The following CSMD1 variants were observed in gnomAD, a reference collection of about 807,000 sequenced individuals.
The protein encoded by CSMD1 is CUB and Sushi multiple domains 1.
CSMD1 carries 213 observed loss-of-function variants against 417.5 expected under a neutral mutation model. That is an observed-to-expected ratio of 0.51 (90% CI 0.46 to 0.57). The LOEUF (loss-of-function observed/expected upper bound fraction) is 0.57. Ranked by LOEUF, CSMD1 falls within the 20% of genes least tolerant of loss-of-function variation. CSMD1 has a pLI of 0.00. For synonymous variants in CSMD1, 2,862 were observed against 1,736.8 expected, an observed-to-expected ratio of 1.65 and a Z score of -16.11; for missense variants, 6,923 against 4,529.7, an observed-to-expected ratio of 1.53 and a Z score of -15.17.
intron 26 of CSMD1, among the ~76,000 whole-genome samples, chr8:3,281,941 C>G (rs1036790850): frequency 4.6e-5 from 7 of 152,038 alleles, no homozygotes; most frequent in Non-Finnish European, 1.0e-4. Flanking sequence ...TGTTTAAAAG[C>G]ACGTAGCACC....
At chr8:3,542,712 G>A (rs989829792) in intron 10 of CSMD1, among the ~76,000 whole-genome samples, 1 of 152,200 alleles carries the variant, frequency 6.6e-6, no homozygotes, top group Non-Finnish European at 1.5e-5. Flanking sequence ...TGTCAAATGT[G>A]CTGGGGATGC....
chr8:3,886,787 A>T (rs982848836), intron 5 of CSMD1, among the ~76,000 whole-genome samples: 2 of 152,172 alleles, frequency 1.3e-5, no homozygotes, highest in Non-Finnish European at 2.9e-5. Flanking sequence ...ATATACTGCC[A>T]AAGATTACAG....
intron 2 of CSMD1, among the ~76,000 whole-genome samples, chr8:4,617,978 T>A (rs1554525959): frequency 6.6e-6 from 1 of 152,182 alleles, no homozygotes; most frequent in Non-Finnish European, 1.5e-5. Context: ...TATTTATGAT[T>A]TGGAGCTGCC....
chr8:3,859,741 T>A (rs190231440), intron 5 of CSMD1, among the ~76,000 whole-genome samples: 1 of 152,124 alleles, frequency 6.6e-6, no homozygotes, highest in Non-Finnish European at 1.5e-5. Context: ...ACCCGGGCAG[T>A]CTTCCCTGGC....
Position 4,020,164 on chromosome 8 carries a change from A to G in CSMD1, c.610+11741T>C, listed in dbSNP as rs144222070. Among the ~76,000 whole-genome samples the G allele has an allele frequency of 4.7e-3, 722 of 152,232 alleles. 9 individuals are homozygous for G. The highest frequency in any genetic ancestry group is 0.017 in the African/African-American group (696 of 41,540). ...CTGGGTTATGCCATTTAATCTTTAC[A>G]ACAGATTTCTCAAGTAGGCACTTTT... On this transcript the variant is annotated intron_variant, in intron 4 of 69. Coordinates refer to ENST00000635120, the MANE Select transcript of CSMD1 (RefSeq NM_033225.6).
chr8:3,062,033 T>A (rs1812620878), intron 49 of CSMD1, among the ~76,000 whole-genome samples: 2 of 152,204 alleles, frequency 1.3e-5, no homozygotes, highest in Non-Finnish European at 2.9e-5. Context: ...TTACTGTTAT[T>A]TTCAATGTCC....
At chr8:3,676,808 G>A (rs768118667) in intron 7 of CSMD1, among the ~76,000 whole-genome samples, 1 of 152,122 alleles carries the variant, frequency 6.6e-6, no homozygotes, top group Non-Finnish European at 1.5e-5. Flanking sequence ...AGAAAATGTG[G>A]CACATACACA....
Position 4,460,892 on chromosome 8 carries a change from G to T in CSMD1, c.303-40827C>A, listed in dbSNP as rs59518789. On this transcript the variant is annotated intron_variant, in intron 2 of 69. Transcript: ENST00000635120. ...CTTTAATAAATTCTTTCCAAAAATAGAAGAGGGATCACATTCCAACTTATT... is the reference window on the plus strand; with the variant it reads ...CTTTAATAAATTCTTTCCAAAAATATAAGAGGGATCACATTCCAACTTATT... Among the ~76,000 whole-genome samples the T allele has an allele frequency of 3.4e-3, 510 of 152,186 alleles. 3 individuals carry two copies. The highest frequency in any genetic ancestry group is 0.012 in the African/African-American group (488 of 41,522).
intron 65 of CSMD1, among the ~76,000 whole-genome samples, chr8:2,953,140 G>C (rs987333306): frequency 6.6e-6 from 1 of 152,070 alleles, no homozygotes; most frequent in African/African-American, 2.4e-5. Flanking sequence ...ATAACAAAAA[G>C]AGGCTGTGTT....
chr8:3,765,625 A>G (rs1295488528), intron 5 of CSMD1, among the ~76,000 whole-genome samples: 1 of 152,238 alleles, frequency 6.6e-6, no homozygotes, highest in Admixed American at 6.5e-5. Flanking sequence ...AGTTATTAAG[A>G]GAAGTGAACC....
intron 5 of CSMD1, among the ~76,000 whole-genome samples, chr8:3,973,122 A>T (rs926579287): frequency 1.3e-5 from 2 of 152,222 alleles, no homozygotes; most frequent in East Asian, 1.9e-4. Flanking sequence ...TGACAGTTGG[A>T]AAGTTATGAA....
chr8:4,757,362 G>C lies in CSMD1; in HGVS notation c.86-119804C>G, dbSNP rs574356069. 8.5e-4 allele frequency among the ~76,000 whole-genome samples: 130 copies of C among 152,240 alleles called. 1 individual carries two copies. The highest frequency in any genetic ancestry group is 3.0e-3 in the African/African-American group (126 of 41,550). ...TGTGTGCTAGCTAGGCCCCAACTCA[G>C]TCTTTAAGATGATTCAATATACACA... On this transcript the variant is annotated intron_variant, in intron 1 of 69. Coordinates refer to ENST00000635120, the MANE Select transcript of CSMD1 (RefSeq NM_033225.6).
intron 52 of CSMD1, among the ~76,000 whole-genome samples, chr8:3,012,313 TA>T (rs1808451266): frequency 1.3e-5 from 2 of 152,286 alleles, no homozygotes; most frequent in East Asian, 3.9e-4. Context: ...TTTCTTTCCT[TA>T]AATACAGCTG....
chr8:4,302,370 G>T (rs561670851), intron 3 of CSMD1, among the ~76,000 whole-genome samples: 1 of 152,074 alleles, frequency 6.6e-6, no homozygotes, highest in African/African-American at 2.4e-5. Context: ...TGTATCAAGG[G>T]GTTATACTAT....
chr8:3,589,043 C>T (rs78578974), intron 8 of CSMD1, among the ~76,000 whole-genome samples: 48 of 152,034 alleles, frequency 3.2e-4, no homozygotes, highest in African/African-American at 1.1e-3. Flanking sequence ...CAACTCACAC[C>T]TGTTAAGATG....
intron 1 of CSMD1, among the ~76,000 whole-genome samples, chr8:4,643,128 C>G (rs905694895): frequency 2.0e-5 from 3 of 152,178 alleles, no homozygotes; most frequent in East Asian, 1.9e-4. Flanking sequence ...AACAGTATGT[C>G]TCATTGGAGA....
rs145733446 is a variant in CSMD1 at position 3,368,491 on chromosome 8, G to A, written c.2899+763C>T. On this transcript the variant is annotated intron_variant, in intron 19 of 69. Transcript: ENST00000635120. ...AGCTGCGATTACAGGCATGCACCAC[G>A]ATGCCTGGCTAATTATTTTGTATTT... Among the ~76,000 whole-genome samples, 1,268 of 152,098 alleles carry A rather than the reference G, an allele frequency of 8.3e-3. 19 individuals are homozygous for A. The highest frequency in any genetic ancestry group is 0.029 in the African/African-American group (1,203 of 41,474).
chr8:4,761,423 CATAAA>C (rs1812037387), intron 1 of CSMD1, among the ~76,000 whole-genome samples: 1 of 151,794 alleles, frequency 6.6e-6, no homozygotes, highest in African/African-American at 2.4e-5. Flanking sequence ...CACACAATTA[CATAAA>C]ATATGTTGCT....
intron 3 of CSMD1, among the ~76,000 whole-genome samples, chr8:4,224,505 C>A (rs1205041704): frequency 6.6e-6 from 1 of 152,148 alleles, no homozygotes; most frequent in Admixed American, 6.5e-5. Flanking sequence ...TCAGTGTCTA[C>A]TAAATGCCCT....
Sources: allele counts gnomAD v4.1 joint callset (sites outside exome capture counted in the v4.1 genomes callset), GRCh38; gene constraint gnomAD v4.1.1; transcripts MANE v1.5; gene names NCBI Gene and HGNC (gene_info 2026-07-23, HGNC 2026-07-21).